RIMS2: variants seen among roughly 807,000 people sequenced by gnomAD.
RIMS2 encodes the protein regulating synaptic membrane exocytosis protein 2.
Under a neutral mutation model 174.4 loss-of-function variants are expected in RIMS2, and 59 were observed. The ratio of observed to expected loss-of-function variants is 0.34; its 90% confidence interval spans 0.27 to 0.42. The LOEUF (loss-of-function observed/expected upper bound fraction) is 0.42. Ranked by LOEUF, RIMS2 falls within the 10% of genes least tolerant of loss-of-function variation. RIMS2 has a pLI of 1.00. For missense variants in RIMS2, 1,620 were observed against 1,666.3 expected (o/e 0.97, Z 0.48); for synonymous variants, 606 against 572.5 (o/e 1.06, Z -0.84).
chr8:103,788,605 A>G (rs1257809645), intron 3 of RIMS2, among the ~76,000 whole-genome samples: 2 of 151,902 alleles, frequency 1.3e-5, no homozygotes, highest in Non-Finnish European at 2.9e-5. Flanking sequence ...TCAGGGACCC[A>G]CTCGAGGAGA....
intron 19 of RIMS2, among the ~76,000 whole-genome samples, chr8:104,089,247 A>G (rs1285732846): frequency 6.6e-6 from 1 of 151,942 alleles, no homozygotes; most frequent in Non-Finnish European, 1.5e-5. Flanking sequence ...TATAGTGCCA[A>G]GACAACACCA....
In RIMS2 at chr8:104,011,481, C is replaced by T. The variant is rs576120593; in HGVS notation, c.3045-1961C>T. On this transcript the variant is annotated intron_variant, in intron 17 of 23. Transcript: ENST00000504942. Reference sequence around the variant, plus strand: ...GTAAGAGCTACTTCCTAAGGAGTGACCTCTGTTTTATAAATAATGGTCTCC... The same window carrying T: ...GTAAGAGCTACTTCCTAAGGAGTGATCTCTGTTTTATAAATAATGGTCTCC... 4.6e-5 allele frequency among the ~76,000 whole-genome samples: 7 copies of T among 152,070 alleles called. No individual in the cohort carries two copies. In the South Asian group the frequency reaches 1.2e-3, roughly 27 times the overall value.
chr8:104,024,469 A>C lies in RIMS2; in HGVS notation c.3334+9854A>C, dbSNP rs1167678359. Among the ~76,000 whole-genome samples, 4 of 152,320 alleles carry C rather than the reference A, an allele frequency of 2.6e-5. No homozygotes were observed. The East Asian group carries it at 5.8e-4, about 22-fold the overall frequency. ...GACTGTTAATCTCATGTGTTGATAT[A>C]CCATGCCTCTTCATAGCATTCTATG... is the stretch of plus-strand genomic sequence containing the variant. On this transcript the variant is annotated intron_variant, in intron 19 of 23. Coordinates refer to ENST00000504942, the Ensembl canonical transcript of RIMS2.
At chr8:104,139,520 C>T (rs1273399397) in intron 19 of RIMS2, among the ~76,000 whole-genome samples, 1 of 151,976 alleles carries the variant, frequency 6.6e-6, no homozygotes, top group Admixed American at 6.6e-5. Flanking sequence ...TCATTTGTAG[C>T]TATTATATGT....
chr8:103,948,789 G>C (rs2084480114), intron 14 of RIMS2, among the ~76,000 whole-genome samples: 1 of 151,952 alleles, frequency 6.6e-6, no homozygotes, highest in Non-Finnish European at 1.5e-5. Context: ...TTTCTGAACT[G>C]TATACTTAAA....
At chr8:104,072,549 C>G (rs1426858032) in intron 19 of RIMS2, among the ~76,000 whole-genome samples, 1 of 152,062 alleles carries the variant, frequency 6.6e-6, no homozygotes, top group African/African-American at 2.4e-5. Flanking sequence ...GTGATGAAAT[C>G]CAAAGCCTCA....
At chr8:103,862,547 A>G (rs886942246) in intron 3 of RIMS2, among the ~76,000 whole-genome samples, 1 of 151,844 alleles carries the variant, frequency 6.6e-6, no homozygotes, top group African/African-American at 2.4e-5. Flanking sequence ...TTGAGTCTGT[A>G]GCTTAATTTG....
At chr8:103,591,516 C>T (rs2094256829) in intron 1 of RIMS2, among the ~76,000 whole-genome samples, 1 of 150,850 alleles carries the variant, frequency 6.6e-6, no homozygotes, top group Admixed American at 6.6e-5. Context: ...ATTCTGTTTC[C>T]TTCTAAAATC....
At chr8:103,625,863 A>G (rs928755701) in intron 1 of RIMS2, among the ~76,000 whole-genome samples, 1 of 151,876 alleles carries the variant, frequency 6.6e-6, no homozygotes, top group African/African-American at 2.4e-5. Context: ...ATTATATAAT[A>G]TATATAAAAT....
intron 3 of RIMS2, among the ~76,000 whole-genome samples, chr8:103,859,756 G>A (rs1307133873): frequency 6.6e-6 from 1 of 152,140 alleles, no homozygotes; most frequent in East Asian, 1.9e-4. Flanking sequence ...GGGTAAGGGG[G>A]ACTCTCCAGG....
intron 19 of RIMS2, among the ~76,000 whole-genome samples, chr8:104,115,769 T>C (rs1379165206): frequency 6.6e-6 from 1 of 152,138 alleles, no homozygotes; most frequent in African/African-American, 2.4e-5. Context: ...GGAATGGTGG[T>C]GAGCTGGAGA....
intron 19 of RIMS2, among the ~76,000 whole-genome samples, chr8:104,199,541 A>G (rs2099043742): frequency 6.6e-6 from 1 of 152,198 alleles, no homozygotes; most frequent in Non-Finnish European, 1.5e-5. Context: ...AATCGTCAGT[A>G]TGCCAGACTG....
In RIMS2 at chr8:103,897,516, C is replaced by G. The variant is rs565146084; in HGVS notation, c.1624+11293C>G. 4.1e-4 allele frequency among the ~76,000 whole-genome samples: 63 copies of G among 151,824 alleles called. No individual in the cohort carries two copies. In the South Asian group the frequency reaches 4.8e-3, roughly 11 times the overall value. ...TTCATATGCATTTTACTCATGCCCTCTGGTCCTACTGATGCTCAAATATGG... is the reference window on the plus strand; with the variant it reads ...TTCATATGCATTTTACTCATGCCCTGTGGTCCTACTGATGCTCAAATATGG... On this transcript the variant is annotated intron_variant, in intron 4 of 23. Transcript: ENST00000504942.
chr8:104,195,181 T>C (rs2099017815), intron 19 of RIMS2, among the ~76,000 whole-genome samples: 2 of 152,094 alleles, frequency 1.3e-5, no homozygotes, highest in Non-Finnish European at 2.9e-5. Flanking sequence ...AGGCCCTGAA[T>C]TAGGGATTAA....
intron 3 of RIMS2, among the ~76,000 whole-genome samples, chr8:103,793,843 G>C (rs2098525133): frequency 6.6e-6 from 1 of 152,200 alleles, no homozygotes; most frequent in African/African-American, 2.4e-5. Flanking sequence ...TTACTACAAA[G>C]AGAATAAAAT....
intron 19 of RIMS2, among the ~76,000 whole-genome samples, chr8:104,231,325 A>G (rs148677071): frequency 6.6e-6 from 1 of 151,996 alleles, no homozygotes; most frequent in African/African-American, 2.4e-5. Context: ...CTTTAGCCTG[A>G]CATTCAAGTT....
intron 19 of RIMS2, among the ~76,000 whole-genome samples, chr8:104,166,059 CTTTTT>C (rs560648211): frequency 8.1e-4 from 79 of 97,820 alleles, no homozygotes; most frequent in African/African-American, 2.5e-3. Flanking sequence ...TTTTGGATTT[CTTTTT>C]TTTTTTTTTT....
chr8:104,033,955 T>G (rs2154556626), intron 19 of RIMS2, among the ~76,000 whole-genome samples: 1 of 152,292 alleles, frequency 6.6e-6, no homozygotes, highest in East Asian at 1.9e-4. Context: ...TAAGTGCATT[T>G]ATGATATTAA....
intron 3 of RIMS2, among the ~76,000 whole-genome samples, chr8:103,817,660 A>G (rs914884729): frequency 8.5e-5 from 13 of 152,104 alleles, no homozygotes; most frequent in Non-Finnish European, 1.6e-4. Context: ...CACTCCTGTA[A>G]TCCCAGCTAC....
Sources: allele counts gnomAD v4.1 joint callset (sites outside exome capture counted in the v4.1 genomes callset), GRCh38; gene constraint gnomAD v4.1.1; transcripts MANE v1.5; gene names NCBI Gene and HGNC (gene_info 2026-07-23, HGNC 2026-07-21).